The following TESC variants were observed in gnomAD, a reference collection of about 807,000 sequenced individuals.
TESC encodes tescalcin.
A neutral mutation model predicts 31.0 loss-of-function variants in TESC; 19 were observed. The ratio of observed to expected loss-of-function variants is 0.61; its 90% CI spans 0.43 to 0.90. The LOEUF is 0.90. TESC is among the 40% of genes least tolerant of loss of function. The pLI is 0.00. For synonymous variants in TESC, 109 were observed against 114.8 expected (o/e 0.95, Z 0.32); for missense variants, 248 against 303.8 (o/e 0.82, Z 1.36).
In TESC at chr12:117,048,968, G is replaced by A. The variant is rs376962711; in HGVS notation, c.349+51C>T. On this transcript the variant is annotated intron_variant, in intron 4 of 7. Transcript: ENST00000335209. ...GCGCCTTGCGTTCTGAGGTCTTAGG[G>A]GAGGCTGCACCCCAGGCCAGGTGTG... 4.5e-5 allele frequency: 72 copies of A among 1,612,750 alleles called. No homozygotes were observed. The African/African-American group carries it at 8.9e-4, about 20-fold the overall frequency.
At chr12:117,060,232 T>G (rs570077024) in intron 2 of TESC, among the ~76,000 whole-genome samples, 2 of 152,228 alleles carry the variant, frequency 1.3e-5, no homozygotes. Context: ...GCACTATGAC[T>G]CCATTTATGT....
chr12:117,043,306 G>C (rs376702854), intron 6 of TESC, among the ~76,000 whole-genome samples: 7 of 151,636 alleles, frequency 4.6e-5, no homozygotes, highest in Admixed American at 3.9e-4. Context: ...CTGGGCTGGT[G>C]GGGGAGCAGG....
intron 2 of TESC, among the ~76,000 whole-genome samples, chr12:117,062,670 C>T (rs1954814536): frequency 1.3e-5 from 2 of 152,228 alleles, no homozygotes; most frequent in African/African-American, 4.8e-5. Context: ...TGTCCCTTTT[C>T]AACAAGGAGA....
intron 1 of TESC, among the ~76,000 whole-genome samples, chr12:117,093,197 C>A (rs559595131): frequency 3.3e-5 from 5 of 152,134 alleles, no homozygotes; most frequent in Non-Finnish European, 7.4e-5. Context: ...GGGCAGGGAC[C>A]GCATCTGGTC....
chr12:117,092,023 C>G lies in TESC; in HGVS notation c.58+7202G>C, dbSNP rs117466859. ...CCTGGTTTTGAGTCTGGATTCCCTA[C>G]CCAGCAACTAAGTGATCTTGGGCAG... On this transcript the variant is annotated intron_variant, in intron 1 of 7. Transcript: ENST00000335209. Among the ~76,000 whole-genome samples, 94 of 152,320 alleles carry G rather than the reference C, an allele frequency of 6.2e-4. 3 individuals are homozygous for G. The East Asian group carries it at 0.017, about 27-fold the overall frequency.
intron 2 of TESC, among the ~76,000 whole-genome samples, chr12:117,066,676 A>G (rs1954889051): frequency 6.6e-6 from 1 of 152,032 alleles, no homozygotes; most frequent in Non-Finnish European, 1.5e-5. Context: ...ACCTTAGTAT[A>G]TTGCTCATGT....
In TESC at chr12:117,071,459, G is replaced by A. The variant is rs571320618; in HGVS notation, c.128+3812C>T. Among the ~76,000 whole-genome samples, 17 of 152,220 alleles carry A rather than the reference G, an allele frequency of 1.1e-4. No homozygotes were observed. In the East Asian group the frequency reaches 1.2e-3, roughly 10 times the overall value. On this transcript the variant is annotated intron_variant, in intron 2 of 7. Transcript: ENST00000335209. ...TGTGGGCCTTCACGGGGCAGGAGAC[G>A]TGTCTTGGAAATGTGGTCCACACTG... is the stretch of plus-strand genomic sequence containing the variant.
Position 117,056,898 on chromosome 12 carries a change from G to A in TESC, c.129-12C>T, listed in dbSNP as rs753420305. 5 of 1,613,636 alleles carry A rather than the reference G, an allele frequency of 3.1e-6. No individual in the cohort carries two copies. The Admixed American group carries it at 5.0e-5, about 16-fold the overall frequency. On this transcript the variant is annotated splice_polypyrimidine_tract_variant and intron_variant, in intron 2 of 7. Coordinates refer to ENST00000335209, the MANE Select transcript of TESC (RefSeq NM_017899.4). ...TGAAGTTCTCCTTGCTGGTTTCCAAGAAGGAGAGATACCGGGAAGAGAATA... is the reference window on the plus strand; with the variant it reads ...TGAAGTTCTCCTTGCTGGTTTCCAAAAAGGAGAGATACCGGGAAGAGAATA...
intron 2 of TESC, among the ~76,000 whole-genome samples, chr12:117,062,134 A>T (rs1954807499): frequency 2.0e-5 from 3 of 152,216 alleles, no homozygotes; most frequent in African/African-American, 7.2e-5. Context: ...CGTACCCTCA[A>T]AATGGAAGGA....
intron 2 of TESC, among the ~76,000 whole-genome samples, chr12:117,058,320 T>C (rs1954757480): frequency 6.6e-6 from 1 of 152,160 alleles, no homozygotes; most frequent in African/African-American, 2.4e-5. Context: ...TAATTCCATT[T>C]ACATGAATTA....
chr12:117,067,504 G>A (rs532240087), intron 2 of TESC, among the ~76,000 whole-genome samples: 9 of 152,190 alleles, frequency 5.9e-5, no homozygotes, highest in South Asian at 4.1e-4. Context: ...CCCGGGAGTC[G>A]GAGGCTGCAG....
chr12:117,092,793 C>CA (rs1197483562), intron 1 of TESC, among the ~76,000 whole-genome samples: 1 of 152,220 alleles, frequency 6.6e-6, no homozygotes, highest in East Asian at 1.9e-4. Flanking sequence ...AGGGCCATCT[C>CA]AAAAACAAAT....
intron 2 of TESC, among the ~76,000 whole-genome samples, chr12:117,057,950 T>C (rs1954749705): frequency 6.6e-6 from 1 of 152,182 alleles, no homozygotes; most frequent in Non-Finnish European, 1.5e-5. Flanking sequence ...CCGGGCGCCG[T>C]AGCTCACACC....
intron 1 of TESC, among the ~76,000 whole-genome samples, chr12:117,093,052 A>G (rs1362075079): frequency 6.6e-6 from 1 of 152,184 alleles, no homozygotes; most frequent in Non-Finnish European, 1.5e-5. Flanking sequence ...TTGGCTGTTC[A>G]GCTTACCAAG....
At position 117,072,128 on chromosome 12, in the gene TESC, C is replaced by T. The variant is rs141000492; in HGVS notation, c.128+3143G>A. 5.4e-3 allele frequency among the ~76,000 whole-genome samples: 829 copies of T among 152,336 alleles called. 5 individuals are homozygous for T. The highest frequency in any genetic ancestry group is 0.017 in the Middle Eastern group (5 of 294). ...AAAAGTGGGAGGGGCCTCCAACAGC[C>T]TCATATCCTCCTCCTCACACAGCAC... On this transcript the variant is annotated intron_variant, in intron 2 of 7. Transcript: ENST00000335209.
chr12:117,058,769 A>G (rs1234143122), intron 2 of TESC, among the ~76,000 whole-genome samples: 1 of 151,140 alleles, frequency 6.6e-6, no homozygotes, highest in East Asian at 2.0e-4. Flanking sequence ...AAAAGGCAAA[A>G]AAAGCTTGGC....
chr12:117,048,902 A>G (rs531450647), intron 4 of TESC, 117 bp downstream of exon 4: 40 of 1,528,482 alleles, frequency 2.6e-5, no homozygotes, highest in African/African-American at 4.1e-5. Context: ...CAAGCCCTCC[A>G]AGCCCCCAAG....
chr12:117,043,992 T>C (rs1046262973), intron 6 of TESC, among the ~76,000 whole-genome samples: 3 of 151,202 alleles, frequency 2.0e-5, no homozygotes, highest in African/African-American at 4.9e-5. Context: ...ACATCTGTCA[T>C]CCCAGCACTT....
chr12:117,097,325 G>A (rs1042535558), intron 1 of TESC, among the ~76,000 whole-genome samples: 2 of 152,152 alleles, frequency 1.3e-5, no homozygotes, highest in Admixed American at 1.3e-4. Context: ...TTACAGAGCA[G>A]GAACACAGCA....
Sources: allele counts gnomAD v4.1 joint callset (sites outside exome capture counted in the v4.1 genomes callset), GRCh38; gene constraint gnomAD v4.1.1; transcripts MANE v1.5; gene names NCBI Gene and HGNC (gene_info 2026-07-23, HGNC 2026-07-21).